The following ARHGAP15 variants were observed in gnomAD, a reference collection of about 807,000 sequenced individuals.
ARHGAP15 encodes rho GTPase-activating protein 15.
A neutral mutation model predicts 63.7 loss-of-function variants in ARHGAP15; 51 were observed. The observed-to-expected ratio is 0.80, with a 90% CI of 0.64 to 1.01. The LOEUF (loss-of-function observed/expected upper bound fraction) is 1.01, where lower values mean the gene tolerates loss of function less well. Among genes scored for constraint, ARHGAP15 ranks in the 50% least tolerant of loss-of-function variants. ARHGAP15 has a pLI of 0.00. For missense variants in ARHGAP15, 560 were observed against 564.6 expected, an observed-to-expected ratio of 0.99 and a Z score of 0.08; for synonymous variants, 191 against 193.8, an observed-to-expected ratio of 0.99 and a Z score of 0.12.
At chr2:143,511,317 A>G (rs1316676347) in intron 9 of ARHGAP15, among the ~76,000 whole-genome samples, 1 of 152,154 alleles carries the variant, frequency 6.6e-6, no homozygotes, top group Non-Finnish European at 1.5e-5. Flanking sequence ...TTTTTTCCCA[A>G]TCAATGTATA....
chr2:143,335,302 T>G (rs1297531210), intron 6 of ARHGAP15, among the ~76,000 whole-genome samples: 1 of 152,224 alleles, frequency 6.6e-6, no homozygotes. Context: ...AAAAATGTCC[T>G]TATAATTCCC....
At chr2:143,763,704 GTA>G (rs1450913188) in intron 13 of ARHGAP15, among the ~76,000 whole-genome samples, 17 of 128,662 alleles carry the variant, frequency 1.3e-4, no homozygotes, top group African/African-American at 2.6e-4. Context: ...GTATGTGTAT[GTA>G]TATGTGTATG....
chr2:143,740,318 A>ACTGT (rs968299808), intron 13 of ARHGAP15, among the ~76,000 whole-genome samples: 100 of 152,134 alleles, frequency 6.6e-4, no homozygotes, highest in African/African-American at 2.3e-3. Context: ...TGTGGCTACC[A>ACTGT]CTGTCTGTCT....
intron 6 of ARHGAP15, among the ~76,000 whole-genome samples, chr2:143,271,221 A>T (rs950874322): frequency 6.6e-6 from 1 of 152,214 alleles, no homozygotes; most frequent in Non-Finnish European, 1.5e-5. Context: ...TTCTTCAGCC[A>T]TATGTGCATT....
intron 10 of ARHGAP15, among the ~76,000 whole-genome samples, chr2:143,522,414 A>G (rs889972450): frequency 1.3e-5 from 2 of 152,200 alleles, no homozygotes; most frequent in African/African-American, 2.4e-5. Flanking sequence ...TAGAGCATGT[A>G]TATGAGAAAT....
At chr2:143,321,884 C>T (rs1391264652) in intron 6 of ARHGAP15, among the ~76,000 whole-genome samples, 1 of 152,120 alleles carries the variant, frequency 6.6e-6, no homozygotes, top group Non-Finnish European at 1.5e-5. Flanking sequence ...CTCTATGTTG[C>T]CCATGCTGGT....
chr2:143,130,538 C>A (rs546559877), intron 1 of ARHGAP15, among the ~76,000 whole-genome samples: 2 of 152,184 alleles, frequency 1.3e-5, no homozygotes, highest in African/African-American at 4.8e-5. Context: ...TGATAAGTGG[C>A]AACAATTTTC....
intron 13 of ARHGAP15, among the ~76,000 whole-genome samples, chr2:143,764,212 A>G (rs768006996): frequency 6.6e-6 from 1 of 152,162 alleles, no homozygotes; most frequent in Non-Finnish European, 1.5e-5. Flanking sequence ...ATTTTTCCAC[A>G]GGAAATTTAG....
At chr2:143,761,227 C>G (rs1314438706) in intron 13 of ARHGAP15, among the ~76,000 whole-genome samples, 1 of 152,198 alleles carries the variant, frequency 6.6e-6, no homozygotes, top group Admixed American at 6.5e-5. Context: ...TTAACAGCCT[C>G]TCTTTAGTTA....
chr2:143,639,284 C>G (rs1195567279), intron 12 of ARHGAP15, among the ~76,000 whole-genome samples: 5 of 152,096 alleles, frequency 3.3e-5, no homozygotes, highest in African/African-American at 1.2e-4. Context: ...TCATTGTTTA[C>G]TTAAGACTTC....
At chr2:143,426,344 T>C (rs368314843) in intron 6 of ARHGAP15, among the ~76,000 whole-genome samples, 8 of 152,118 alleles carry the variant, frequency 5.3e-5, no homozygotes, top group East Asian at 3.9e-4. Flanking sequence ...CTGAAAATAT[T>C]TAAATCCCAG....
chr2:143,165,944 AAGAAAGAAAGAAAGAG>A (rs1327374767), intron 2 of ARHGAP15, among the ~76,000 whole-genome samples: 20 of 118,096 alleles, frequency 1.7e-4, no homozygotes, highest in African/African-American at 6.5e-4. Flanking sequence ...AAAAGAAAAG[AAGAAAGAAAGAAAGAG>A]AGAAAGAAAG....
intron 6 of ARHGAP15, among the ~76,000 whole-genome samples, chr2:143,386,481 C>G (rs568629408): frequency 6.6e-6 from 1 of 152,124 alleles, no homozygotes; most frequent in Non-Finnish European, 1.5e-5. Context: ...ACTGAAGACT[C>G]ATGCTTGAGA....
chr2:143,664,891 C>A (rs1387443556), intron 12 of ARHGAP15, among the ~76,000 whole-genome samples: 1 of 152,000 alleles, frequency 6.6e-6, no homozygotes, highest in Non-Finnish European at 1.5e-5. Flanking sequence ...TCTGAATAGA[C>A]CAATAACAGG....
chr2:143,463,342 G>A (rs1574483496), intron 8 of ARHGAP15, among the ~76,000 whole-genome samples: 1 of 152,236 alleles, frequency 6.6e-6, no homozygotes, highest in East Asian at 1.9e-4. Flanking sequence ...AAAAGTTTGG[G>A]ACTAGCCTGG....
intron 6 of ARHGAP15, among the ~76,000 whole-genome samples, chr2:143,270,310 T>G (rs910718369): frequency 7.9e-5 from 12 of 152,256 alleles, no homozygotes; most frequent in African/African-American, 1.4e-4. Flanking sequence ...CACACAGTAG[T>G]CTTCAACCTT....
At chr2:143,134,632 CT>C (rs139259059) in intron 1 of ARHGAP15, among the ~76,000 whole-genome samples, 1,732 of 119,332 alleles carry the variant, frequency 0.015, 20 homozygotes, top group African/African-American at 0.049. Flanking sequence ...TATTCCTTTT[CT>C]TTTTTTTTTT....
chr2:143,345,559 C>A (rs1212284428), intron 6 of ARHGAP15, among the ~76,000 whole-genome samples: 1 of 151,964 alleles, frequency 6.6e-6, no homozygotes, highest in African/African-American at 2.4e-5. Context: ...GGGAATCTGT[C>A]TGTATTTTTT....
At chr2:143,200,240 T>C (rs992165540) in intron 2 of ARHGAP15, among the ~76,000 whole-genome samples, 6 of 152,110 alleles carry the variant, frequency 3.9e-5, no homozygotes, top group East Asian at 1.9e-4. Context: ...TTATCTTCCA[T>C]AGGACACCTG....
Sources: gnomAD v4.1 joint callset for allele counts (sites outside exome capture counted in the v4.1 genomes callset) on GRCh38, gnomAD v4.1.1 for gene constraint, MANE v1.5 for transcripts, NCBI Gene and HGNC (gene_info 2026-07-23, HGNC 2026-07-21) for gene names.